The following SMAD2 variants were observed in gnomAD, a reference collection of about 807,000 sequenced individuals.
SMAD2 encodes the protein MAD homolog 2.
A neutral mutation model predicts 64.4 loss-of-function variants in SMAD2; 8 were observed. The observed-to-expected ratio is 0.12, with a 90% confidence interval of 0.07 to 0.22. The LOEUF is 0.22. SMAD2 is among the 10% of genes least tolerant of loss of function. The probability of loss-of-function intolerance (pLI) is 1.00; values close to 1 mark genes in which losing one functional copy is unlikely to be tolerated. For synonymous variants in SMAD2, 203 were observed against 195.8 expected (o/e 1.04, Z -0.31); for missense variants, 289 against 561.2 (o/e 0.51, Z 4.90).
chr18:47,901,964 C>T (rs1477697454), intron 1 of SMAD2, among the ~76,000 whole-genome samples: 3 of 152,216 alleles, frequency 2.0e-5, no homozygotes, highest in Non-Finnish European at 4.4e-5. Flanking sequence ...TTTCAACTCT[C>T]ACCTATTGTT....
chr18:47,918,187 T>C (rs1024109204), intron 1 of SMAD2, among the ~76,000 whole-genome samples: 1 of 152,146 alleles, frequency 6.6e-6, no homozygotes, highest in African/African-American at 2.4e-5. Context: ...TGCCTCAACG[T>C]TTACTTTCTG....
At chr18:47,853,566 T>G (rs72912362) in intron 6 of SMAD2, 37,267 of 176,550 alleles carry the variant, frequency 0.21, 5,660 homozygotes, top group East Asian at 0.32. Context: ...CAGACCATCT[T>G]ACACACCTCC....
chr18:47,873,166 T>G (rs934531807), intron 2 of SMAD2, among the ~76,000 whole-genome samples: 11 of 152,138 alleles, frequency 7.2e-5, no homozygotes, highest in African/African-American at 2.2e-4. Flanking sequence ...TATCAGAACT[T>G]GAGCATCCAC....
At chr18:47,844,216 T>C (rs895323482) in intron 10 of SMAD2, among the ~76,000 whole-genome samples, 1 of 152,182 alleles carries the variant, frequency 6.6e-6, no homozygotes, top group Non-Finnish European at 1.5e-5. Context: ...TATTTTTAAA[T>C]GTATTCAACA....
rs955272706 is a variant in SMAD2 at position 47,832,417 on chromosome 18, TAA to T, written c.*9408_*9409del. 1 of 152,146 alleles carries T rather than the reference TAA, an allele frequency of 6.6e-6. No homozygotes were observed. The highest frequency in any genetic ancestry group is 2.4e-5 in the African/African-American group (1 of 41,440). 9.4% of individuals were successfully genotyped at this position (152,146 alleles called of 1,614,324 possible). A position where few individuals can be genotyped will look rare whatever the true frequency, so the allele number is the denominator to read the frequency against. Reference sequence around the variant, plus strand: ...TAAATTTTCTTGGGTTTCTTCCTAATAAAAAAGTGTTGATAAAACTACACCAG... The same window carrying T: ...TAAATTTTCTTGGGTTTCTTCCTAATAAAAGTGTTGATAAAACTACACCAG... On this transcript the variant is annotated 3_prime_UTR_variant, in exon 11 of 11. Transcript: ENST00000262160.
intron 2 of SMAD2, among the ~76,000 whole-genome samples, chr18:47,891,916 A>C (rs940994455): frequency 6.6e-6 from 1 of 152,170 alleles, no homozygotes; most frequent in African/African-American, 2.4e-5. Context: ...TAGAAAAAAA[A>C]ATACAGGACT....
chr18:47,848,781 C>T lies in SMAD2; in HGVS notation c.785-94G>A, dbSNP rs112826329. On this transcript the variant is annotated intron_variant, in intron 7 of 10. Transcript: ENST00000262160. ...TTTAATATAATCATCTTTACATGCT[C>T]TATGCCAGCCTGCACTGGCAAAAGC... 12,352 of 877,012 alleles carry T rather than the reference C, an allele frequency of 0.014. 128 individuals are homozygous for T. Among genetic ancestry groups the T allele is most frequent in the Non-Finnish European group, 0.017 (9,562 of 556,162 alleles). The allele number at this position is 877,012 out of a possible 1,614,324, so 54.3% of individuals were successfully genotyped here.
rs773889185 is a variant in SMAD2, at chr18:47,845,278, C to G, written c.1280+62G>C. ...AGATACAAATGAACTCCAGAATATG[C>G]AAGAATGCAATGAAACATAATTACA... On this transcript the variant is annotated intron_variant, in intron 10 of 10. Transcript: ENST00000262160. 5.6e-6 allele frequency: 8 copies of G among 1,436,984 alleles called. No individual in the cohort carries two copies. In the Admixed American group the frequency reaches 1.2e-4, roughly 21 times the overall value. 89.0% of individuals were successfully genotyped at this position (1,436,984 alleles called of 1,614,324 possible).
chr18:47,871,477 C>T (rs941864401), intron 2 of SMAD2, among the ~76,000 whole-genome samples: 2 of 152,290 alleles, frequency 1.3e-5, no homozygotes, highest in Admixed American at 6.5e-5. Flanking sequence ...TGGTGAGAAG[C>T]GCTGGCTTCC....
chr18:47,876,936 G>C (rs1025967694), intron 2 of SMAD2, among the ~76,000 whole-genome samples: 6 of 151,910 alleles, frequency 3.9e-5, no homozygotes, highest in African/African-American at 1.4e-4. Context: ...CTTTGTTATG[G>C]AGAAAGAAAA....
chr18:47,842,760 T>G (rs1055610183), intron 10 of SMAD2, among the ~76,000 whole-genome samples: 14 of 152,122 alleles, frequency 9.2e-5, no homozygotes, highest in South Asian at 8.3e-4. Context: ...GAATTCAACT[T>G]TCCCTGCCAA....
At position 47,818,453 on chromosome 18, in the gene SMAD2, T is replaced by C. The variant is rs930372460; in HGVS notation, c.*23374A>G. On this transcript the variant is annotated 3_prime_UTR_variant, in exon 11 of 11. Transcript: ENST00000262160. ...TTAGGCTCTCAAACAGGTCAAAATC[T>C]TGAGCTCAGGGCAATAATATAAGGT... 6.6e-6 allele frequency: 1 copy of C among 152,186 alleles called. No individual in the cohort carries two copies. Among genetic ancestry groups the C allele is most frequent in the African/African-American group, 2.4e-5 (1 of 41,450 alleles). The allele number at this position is 152,186 out of a possible 1,614,324, so 9.4% of individuals were successfully genotyped here. A position where few individuals can be genotyped will look rare whatever the true frequency, so the allele number is the denominator to read the frequency against.
intron 7 of SMAD2, among the ~76,000 whole-genome samples, chr18:47,850,343 A>G (rs1255629446): frequency 7.7e-5 from 4 of 51,868 alleles, no homozygotes; most frequent in African/African-American, 3.6e-4. Context: ...TATATGTTAT[A>G]TATATTATAC....
chr18:47,890,427 G>A (rs1300850655), intron 2 of SMAD2, among the ~76,000 whole-genome samples: 1 of 152,168 alleles, frequency 6.6e-6, no homozygotes, highest in Non-Finnish European at 1.5e-5. Flanking sequence ...ACATTTTAAT[G>A]TCTACAATTT....
intron 1 of SMAD2, among the ~76,000 whole-genome samples, chr18:47,897,988 T>C (rs1201739399): frequency 6.6e-6 from 1 of 152,316 alleles, no homozygotes; most frequent in African/African-American, 2.4e-5. Flanking sequence ...AATACTGAAA[T>C]TGTAGTTTTC....
chr18:47,904,123 G>GA (rs1306660976), intron 1 of SMAD2, among the ~76,000 whole-genome samples: 1 of 151,588 alleles, frequency 6.6e-6, no homozygotes, highest in Non-Finnish European at 1.5e-5. Flanking sequence ...AAATCCCTGG[G>GA]AGTCCTCGAT....
At position 47,841,265 on chromosome 18, in the gene SMAD2, T is replaced by A. The variant is rs573647284; in HGVS notation, c.*562A>T. On this transcript the variant is annotated 3_prime_UTR_variant, in exon 11 of 11. Coordinates refer to ENST00000262160, the MANE Select transcript of SMAD2 (RefSeq NM_005901.6). ...CACTTTTCTTCCCCCAAGAGTTTAT[T>A]TTTGGTAAAAGGCAGAAAAATTAGT... is the stretch of plus-strand genomic sequence containing the variant. 33 of 233,540 alleles carry A rather than the reference T, an allele frequency of 1.4e-4. No individual in the cohort carries two copies. The South Asian group carries it at 5.4e-3, about 38-fold the overall frequency. 14.5% of individuals were successfully genotyped at this position (233,540 alleles called of 1,614,324 possible). A position where few individuals can be genotyped will look rare whatever the true frequency, so the allele number is the denominator to read the frequency against.
intron 2 of SMAD2, among the ~76,000 whole-genome samples, chr18:47,880,678 G>T (rs565780475): frequency 2.6e-5 from 4 of 152,260 alleles, no homozygotes; most frequent in Admixed American, 6.5e-5. Flanking sequence ...TTTGTTCTTT[G>T]TATGTTAGGT....
chr18:47,837,233 G>C lies in SMAD2; in HGVS notation c.*4594C>G, dbSNP rs1913496269. 5.1e-6 allele frequency: 1 copy of C among 197,156 alleles called. No homozygotes were observed. Among genetic ancestry groups the C allele is most frequent in the Non-Finnish European group, 1.0e-5 (1 of 95,296 alleles). The allele number at this position is 197,156 out of a possible 1,614,324, so 12.2% of individuals were successfully genotyped here. A position where few individuals can be genotyped will look rare whatever the true frequency, so the allele number is the denominator to read the frequency against. On this transcript the variant is annotated 3_prime_UTR_variant, in exon 11 of 11. Transcript: ENST00000262160. ...AAGCATGTTCCTTTTTTGTTAATAA[G>C]TTCAAAGGAGAGAAACATTCTGATA...
Sources: gnomAD v4.1 joint callset for allele counts (sites outside exome capture counted in the v4.1 genomes callset) on GRCh38, gnomAD v4.1.1 for gene constraint, MANE v1.5 for transcripts, NCBI Gene and HGNC (gene_info 2026-07-23, HGNC 2026-07-21) for gene names.